ADGRB3: variants seen among roughly 807,000 people sequenced by gnomAD.
The protein encoded by ADGRB3 is brain-specific angiogenesis inhibitor 3.
ADGRB3 carries 37 observed loss-of-function variants against 193.4 expected under a neutral mutation model. The observed-to-expected ratio is 0.19, with a 90% CI of 0.15 to 0.25. ADGRB3 has a LOEUF of 0.25. Among genes scored for constraint, ADGRB3 ranks in the 10% least tolerant of loss-of-function variants. The probability of loss-of-function intolerance (pLI) is 1.00; values close to 1 mark genes in which losing one functional copy is unlikely to be tolerated. For missense variants in ADGRB3, 1,637 were observed against 1,852.9 expected, an observed-to-expected ratio of 0.88 and a Z score of 2.14; for synonymous variants, 690 against 644.2, an observed-to-expected ratio of 1.07 and a Z score of -1.08.
intron 29 of ADGRB3, among the ~76,000 whole-genome samples, chr6:69,361,883 G>T (rs971137400): frequency 1.3e-5 from 2 of 151,602 alleles, no homozygotes; most frequent in Non-Finnish European, 2.9e-5. Context: ...GGTACCACAG[G>T]TCCTTTTGGT....
At chr6:68,871,934 A>G (rs1415542993) in intron 3 of ADGRB3, among the ~76,000 whole-genome samples, 1 of 152,228 alleles carries the variant, frequency 6.6e-6, no homozygotes, top group African/African-American at 2.4e-5. Context: ...TTCTTTGATT[A>G]GGTTTATTTC....
rs191529992 is a variant in ADGRB3, at chr6:68,873,216, G to A, written c.758-57343G>A. Among the ~76,000 whole-genome samples the A allele has an allele frequency of 7.9e-5, 12 of 152,186 alleles. No homozygotes were observed. The East Asian group carries it at 2.1e-3, about 27-fold the overall frequency. On this transcript the variant is annotated intron_variant, in intron 3 of 31. Transcript: ENST00000370598. ...TCCTTCAAGATGTCTTAAAATAGGT[G>A]GTATTAATATGTAATATGATAAACA... is the stretch of plus-strand genomic sequence containing the variant.
chr6:69,060,228 C>CTCTCTT (rs1554255621), intron 15 of ADGRB3, among the ~76,000 whole-genome samples: 1 of 150,702 alleles, frequency 6.6e-6, no homozygotes, highest in Non-Finnish European at 1.5e-5. Flanking sequence ...CTTTCTCTCT[C>CTCTCTT]TCTCTCTCTC....
intron 4 of ADGRB3, 103 bp downstream of exon 4, chr6:68,930,772 A>G: frequency 1.1e-6 from 1 of 950,736 alleles, no homozygotes; most frequent in Non-Finnish European, 1.5e-6. Context: ...TTTGGAGCTG[A>G]TATTTTTTCG....
At chr6:69,017,734 A>G (rs950284084) in intron 12 of ADGRB3, among the ~76,000 whole-genome samples, 1 of 151,916 alleles carries the variant, frequency 6.6e-6, no homozygotes, top group Non-Finnish European at 1.5e-5. Context: ...TAAAGATACA[A>G]TATGGCCTTA....
intron 3 of ADGRB3, among the ~76,000 whole-genome samples, chr6:68,755,569 G>A (rs1252296032): frequency 2.6e-5 from 4 of 152,190 alleles, no homozygotes; most frequent in African/African-American, 7.2e-5. Flanking sequence ...AAGGTCAGTT[G>A]AGAATAGTCA....
At chr6:68,923,578 T>A (rs1459238878) in intron 3 of ADGRB3, among the ~76,000 whole-genome samples, 1 of 152,086 alleles carries the variant, frequency 6.6e-6, no homozygotes, top group Non-Finnish European at 1.5e-5. Flanking sequence ...TACAAATTAT[T>A]TTATGGAATA....
chr6:69,161,906 A>C (rs910713883), intron 17 of ADGRB3, among the ~76,000 whole-genome samples: 1 of 152,108 alleles, frequency 6.6e-6, no homozygotes, highest in African/African-American at 2.4e-5. Context: ...AGCAAGCAAG[A>C]GAGTCAGAGA....
chr6:68,908,841 T>C (rs1001501099), intron 3 of ADGRB3, among the ~76,000 whole-genome samples: 2 of 152,166 alleles, frequency 1.3e-5, no homozygotes, highest in Non-Finnish European at 2.9e-5. Flanking sequence ...TCACATGGTC[T>C]CACCTAAGCA....
At chr6:69,276,366 A>G (rs997523806) in intron 20 of ADGRB3, among the ~76,000 whole-genome samples, 5 of 152,234 alleles carry the variant, frequency 3.3e-5, no homozygotes, top group Non-Finnish European at 7.3e-5. Flanking sequence ...GTCTGTGGTC[A>G]GGAGACATTC....
intron 17 of ADGRB3, among the ~76,000 whole-genome samples, chr6:69,127,348 A>G (rs186612319): frequency 6.6e-6 from 1 of 152,364 alleles, no homozygotes; most frequent in East Asian, 1.9e-4. Context: ...TAGGCAATCA[A>G]TAAATATTAA....
intron 3 of ADGRB3, among the ~76,000 whole-genome samples, chr6:68,894,296 T>G (rs1205615140): frequency 1.3e-5 from 2 of 152,074 alleles, no homozygotes; most frequent in Non-Finnish European, 1.5e-5. Context: ...TATTTTAGCT[T>G]CTAAATGATA....
intron 3 of ADGRB3, among the ~76,000 whole-genome samples, chr6:68,785,074 CTATT>C (rs1766935008): frequency 6.6e-6 from 1 of 152,038 alleles, no homozygotes; most frequent in South Asian, 2.1e-4. Context: ...TTCATCATCA[CTATT>C]TATTTTGCAA....
intron 5 of ADGRB3, among the ~76,000 whole-genome samples, chr6:68,941,645 GAAAATAGGAGGAGAAAAGGTTTTT>G (rs1490400956): frequency 0.035 from 5,271 of 151,870 alleles, 281 homozygotes; most frequent in African/African-American, 0.12. Context: ...TATAGGAGGA[GAAAATAGGAGGAGAAAAGGTTTTT>G]AAAATAGGAG....
intron 13 of ADGRB3, among the ~76,000 whole-genome samples, chr6:69,031,881 C>T (rs953001443): frequency 6.6e-6 from 1 of 152,052 alleles, no homozygotes; most frequent in African/African-American, 2.4e-5. Flanking sequence ...GATCTCCCAC[C>T]TTGGCCTCCA....
At chr6:68,761,488 G>T (rs1314087542) in intron 3 of ADGRB3, among the ~76,000 whole-genome samples, 1 of 151,344 alleles carries the variant, frequency 6.6e-6, no homozygotes, top group Non-Finnish European at 1.5e-5. Flanking sequence ...TGTAGCACAG[G>T]TTGTGCTTTG....
chr6:69,340,567 G>A (rs964173672), intron 26 of ADGRB3, among the ~76,000 whole-genome samples: 15 of 152,098 alleles, frequency 9.9e-5, no homozygotes, highest in African/African-American at 2.9e-4. Context: ...ATAACTAGAG[G>A]CTTTTACCTG....
At chr6:69,050,369 A>G (rs1237617759) in intron 15 of ADGRB3, among the ~76,000 whole-genome samples, 1 of 152,168 alleles carries the variant, frequency 6.6e-6, no homozygotes, top group African/African-American at 2.4e-5. Flanking sequence ...TCAACCATAG[A>G]GACAGCCATG....
intron 3 of ADGRB3, among the ~76,000 whole-genome samples, chr6:68,911,506 A>C (rs1485763018): frequency 6.6e-6 from 1 of 152,186 alleles, no homozygotes; most frequent in Non-Finnish European, 1.5e-5. Flanking sequence ...CATTAAATTC[A>C]GTGTGATGCT....
Sources: allele counts gnomAD v4.1 joint callset (sites outside exome capture counted in the v4.1 genomes callset), GRCh38; gene constraint gnomAD v4.1.1; transcripts MANE v1.5; gene names NCBI Gene and HGNC (gene_info 2026-07-23, HGNC 2026-07-21).